The following TAFA4 variants were observed in gnomAD, a reference collection of about 807,000 sequenced individuals.
The protein encoded by TAFA4 is chemokine-like protein TAFA-4.
A neutral mutation model predicts 21.1 loss-of-function variants in TAFA4; 20 were observed. That is an observed-to-expected ratio of 0.95 (90% CI 0.67 to 1.38). The LOEUF is 1.38. Ranked by LOEUF, TAFA4 falls within the 40% of genes most tolerant of loss-of-function variation. The probability of loss-of-function intolerance (pLI) is 0.00; values close to 1 mark genes in which losing one functional copy is unlikely to be tolerated. For missense variants in TAFA4, 211 were observed against 180.9 expected, an observed-to-expected ratio of 1.17 and a Z score of -0.95; for synonymous variants, 71 against 67.4, an observed-to-expected ratio of 1.05 and a Z score of -0.26.
Position 68,834,039 on chromosome 3 carries a change from C to A in TAFA4, c.130+46691G>T, listed in dbSNP as rs558278762. On this transcript the variant is annotated intron_variant, in intron 3 of 5. Transcript: ENST00000295569. Reference sequence around the variant, plus strand: ...CTCCATTAGCCAGAGTTGATGCTCACCCTGACTTCTCTCCCCAAACCTCAG... The same window carrying A: ...CTCCATTAGCCAGAGTTGATGCTCAACCTGACTTCTCTCCCCAAACCTCAG... Among the ~76,000 whole-genome samples, 6 of 152,324 alleles carry A rather than the reference C, an allele frequency of 3.9e-5. No individual in the cohort carries two copies. The East Asian group carries it at 1.2e-3, about 29-fold the overall frequency.
In TAFA4 at chr3:68,908,660, G is replaced by A. The variant is rs111330680; in HGVS notation, c.-122-23350C>T. Among the ~76,000 whole-genome samples the A allele has an allele frequency of 4.6e-3, 703 of 152,308 alleles. 5 individuals are homozygous for A. Among genetic ancestry groups the A allele is most frequent in the Non-Finnish European group, 7.2e-3 (487 of 68,032 alleles). On this transcript the variant is annotated intron_variant, in intron 1 of 5. Transcript: ENST00000295569. ...GTGGAGAGAAGAAACACTGCTCTCC[G>A]CATGGAAAAGGACTGCACATAGAAT... is the stretch of plus-strand genomic sequence containing the variant.
intron 4 of TAFA4, 124 bp downstream of exon 4, chr3:68,752,739 G>A (rs1702579366): frequency 1.8e-6 from 2 of 1,101,590 alleles, no homozygotes; most frequent in Admixed American, 2.0e-5. Context: ...GTACATTTTT[G>A]GATTGACACT....
At chr3:68,836,584 A>G (rs1704527950) in intron 3 of TAFA4, among the ~76,000 whole-genome samples, 1 of 152,220 alleles carries the variant, frequency 6.6e-6, no homozygotes, top group Non-Finnish European at 1.5e-5. Context: ...CATTCAATAT[A>G]TGTTTATTAA....
At chr3:68,927,544 G>A (rs533307843) in intron 1 of TAFA4, among the ~76,000 whole-genome samples, 180 of 152,304 alleles carry the variant, frequency 1.2e-3, no homozygotes, top group African/African-American at 4.1e-3. Flanking sequence ...AGTAGTTTGT[G>A]TGTACTGCCA....
At chr3:68,853,795 C>A (rs1262083089) in intron 3 of TAFA4, among the ~76,000 whole-genome samples, 1 of 152,138 alleles carries the variant, frequency 6.6e-6, no homozygotes, top group East Asian at 1.9e-4. Flanking sequence ...ATCTGTGTGA[C>A]TTTTGGCTAG....
intron 3 of TAFA4, among the ~76,000 whole-genome samples, chr3:68,794,530 C>G (rs1439134498): frequency 1.3e-5 from 2 of 152,148 alleles, no homozygotes; most frequent in Non-Finnish European, 2.9e-5. Flanking sequence ...CTCAGCTCTC[C>G]CCTCTCCTTA....
chr3:68,846,993 G>A (rs905905284), intron 3 of TAFA4, among the ~76,000 whole-genome samples: 45 of 152,148 alleles, frequency 3.0e-4, no homozygotes, highest in African/African-American at 1.1e-3. Flanking sequence ...AGGCATGGGG[G>A]TCAGGGACCC....
At chr3:68,853,606 A>G (rs1043524045) in intron 3 of TAFA4, among the ~76,000 whole-genome samples, 1 of 152,166 alleles carries the variant, frequency 6.6e-6, no homozygotes, top group Non-Finnish European at 1.5e-5. Context: ...GCACCCTTCT[A>G]CATTTTCCTC....
chr3:68,754,235 T>G lies in TAFA4; in HGVS notation c.131-1217A>C, dbSNP rs190658378. On this transcript the variant is annotated intron_variant, in intron 3 of 5. Transcript: ENST00000295569. ...CAATGCTACTACGTAATGTACAATC[T>G]ATATTCAAATTTTGCCAATGTCCCA... Among the ~76,000 whole-genome samples, 137 of 152,358 alleles carry G rather than the reference T, an allele frequency of 9.0e-4. 1 individual carries two copies. Among genetic ancestry groups the G allele is most frequent in the South Asian group, 1.7e-3 (8 of 4,820 alleles).
intron 3 of TAFA4, among the ~76,000 whole-genome samples, chr3:68,769,609 G>A (rs1249483011): frequency 1.3e-5 from 2 of 152,146 alleles, no homozygotes; most frequent in Admixed American, 1.3e-4. Flanking sequence ...GCATGAGGTG[G>A]TGGATACGCT....
chr3:68,877,914 T>G (rs565294002), intron 3 of TAFA4, among the ~76,000 whole-genome samples: 54 of 152,336 alleles, frequency 3.5e-4, no homozygotes, highest in Non-Finnish European at 6.5e-4. Context: ...TTTTCCTTAT[T>G]AGTTATCCCA....
chr3:68,897,773 T>C (rs749590679), intron 1 of TAFA4, among the ~76,000 whole-genome samples: 76 of 152,296 alleles, frequency 5.0e-4, no homozygotes, highest in Non-Finnish European at 8.4e-4. Context: ...AAAGTTCAGA[T>C]TGTCCTAAGA....
intron 3 of TAFA4, among the ~76,000 whole-genome samples, chr3:68,763,057 C>A (rs1702784677): frequency 6.6e-6 from 1 of 152,168 alleles, no homozygotes; most frequent in African/African-American, 2.4e-5. Flanking sequence ...CTTTTTGAGA[C>A]ACAGTGATGT....
chr3:68,826,037 A>C (rs1704220265), intron 3 of TAFA4, among the ~76,000 whole-genome samples: 1 of 152,178 alleles, frequency 6.6e-6, no homozygotes, highest in African/African-American at 2.4e-5. Context: ...CTAGATAATG[A>C]AGTGAGTTTT....
intron 3 of TAFA4, among the ~76,000 whole-genome samples, chr3:68,769,974 G>C (rs961942719): frequency 1.3e-5 from 2 of 152,038 alleles, no homozygotes; most frequent in Non-Finnish European, 1.5e-5. Flanking sequence ...CCGTGTAAAA[G>C]CTCTATCAAT....
intron 3 of TAFA4, among the ~76,000 whole-genome samples, chr3:68,815,152 T>C (rs1322654411): frequency 6.6e-6 from 1 of 152,120 alleles, no homozygotes; most frequent in Non-Finnish European, 1.5e-5. Flanking sequence ...ACATCTTATA[T>C]AAAAATTAAT....
chr3:68,903,246 T>C (rs1030818570), intron 1 of TAFA4, among the ~76,000 whole-genome samples: 8 of 151,938 alleles, frequency 5.3e-5, no homozygotes, highest in Non-Finnish European at 1.2e-4. Context: ...GCCTCGAGAA[T>C]GGGATTCTGA....
At chr3:68,738,705 CT>C (rs2106727406) in intron 5 of TAFA4, among the ~76,000 whole-genome samples, 1 of 152,312 alleles carries the variant, frequency 6.6e-6, no homozygotes, top group African/African-American at 2.4e-5. Flanking sequence ...ATTAAATCTC[CT>C]TTAAAGCAAT....
At position 68,908,397 on chromosome 3, in the gene TAFA4, G is replaced by A. The variant is rs79577790; in HGVS notation, c.-122-23087C>T. 5.9e-5 allele frequency among the ~76,000 whole-genome samples: 9 copies of A among 152,200 alleles called. No individual in the cohort carries two copies. The East Asian group carries it at 1.7e-3, about 29-fold the overall frequency. On this transcript the variant is annotated intron_variant, in intron 1 of 5. Coordinates refer to ENST00000295569, the MANE Select transcript of TAFA4 (RefSeq NM_182522.5). Reference sequence around the variant, plus strand: ...GTGGGAAGCCACGAGGCTCTATCCAGAGCCTGTCCTATTCACGTTCTTATC... The same window carrying A: ...GTGGGAAGCCACGAGGCTCTATCCAAAGCCTGTCCTATTCACGTTCTTATC...
Sources: gnomAD v4.1 joint callset for allele counts (sites outside exome capture counted in the v4.1 genomes callset) on GRCh38, gnomAD v4.1.1 for gene constraint, MANE v1.5 for transcripts, NCBI Gene and HGNC (gene_info 2026-07-23, HGNC 2026-07-21) for gene names.